TRAPPC9: variants seen among roughly 807,000 people sequenced by gnomAD.
TRAPPC9 encodes IKK2 binding protein.
TRAPPC9 carries 83 observed loss-of-function variants against 124.0 expected under a neutral mutation model. The ratio of observed to expected loss-of-function variants is 0.67; its 90% CI spans 0.56 to 0.80. The LOEUF is 0.80. TRAPPC9 is among the 30% of genes least tolerant of loss of function. The pLI, the probability that TRAPPC9 is intolerant of heterozygous loss-of-function variation, is 0.00. For missense variants in TRAPPC9, 1,302 were observed against 1,508.3 expected (o/e 0.86, Z 2.27); for synonymous variants, 638 against 617.5 (o/e 1.03, Z -0.49).
intron 21 of TRAPPC9, among the ~76,000 whole-genome samples, chr8:139,740,893 C>T (rs1479025346): frequency 6.6e-6 from 1 of 152,218 alleles, no homozygotes; most frequent in African/African-American, 2.4e-5. Flanking sequence ...CCAAACACTG[C>T]TTCCACTGTG....
chr8:140,219,179 T>C (rs1443864211), intron 17 of TRAPPC9, among the ~76,000 whole-genome samples: 2 of 151,950 alleles, frequency 1.3e-5, no homozygotes, highest in Admixed American at 1.3e-4. Flanking sequence ...ATACAATAAA[T>C]CAGGGAAGAA....
intron 12 of TRAPPC9, 26 bp from the exon 13 acceptor site, chr8:140,287,760 A>C (rs748729324): frequency 6.2e-7 from 1 of 1,613,900 alleles, no homozygotes; most frequent in South Asian, 1.1e-5. Context: ...CAGCATCGTA[A>C]GCCCGGAGCA....
chr8:139,865,747 C>T (rs1014610426), intron 21 of TRAPPC9, among the ~76,000 whole-genome samples: 9 of 152,102 alleles, frequency 5.9e-5, no homozygotes, highest in African/African-American at 2.2e-4. Flanking sequence ...GGAAGGTATC[C>T]GCACAGCAGA....
At chr8:140,219,275 G>T (rs886680166) in intron 17 of TRAPPC9, among the ~76,000 whole-genome samples, 18 of 152,224 alleles carry the variant, frequency 1.2e-4, no homozygotes, top group Admixed American at 1.2e-3. Context: ...CTTCCTCAGC[G>T]CTGCCGGAGC....
At chr8:139,986,675 T>C (rs1837256177) in intron 19 of TRAPPC9, among the ~76,000 whole-genome samples, 1 of 152,190 alleles carries the variant, frequency 6.6e-6, no homozygotes, top group Admixed American at 6.5e-5. Flanking sequence ...GTGCATATCA[T>C]TAACAGAGCT....
intron 20 of TRAPPC9, chr8:139,908,798 C>T (rs1411596546): frequency 6.6e-6 from 1 of 152,216 alleles, no homozygotes; most frequent in East Asian, 1.9e-4. Context: ...CTGGCTGAAC[C>T]CTGACTTTGT....
chr8:140,028,598 G>A (rs1257271070), intron 17 of TRAPPC9, among the ~76,000 whole-genome samples: 4 of 152,202 alleles, frequency 2.6e-5, no homozygotes, highest in Admixed American at 6.5e-5. Context: ...CAGGCAAACT[G>A]TTTAGAATAG....
At chr8:139,784,743 C>T (rs533862088) in intron 21 of TRAPPC9, among the ~76,000 whole-genome samples, 2 of 150,416 alleles carry the variant, frequency 1.3e-5, no homozygotes, top group African/African-American at 2.4e-5. Flanking sequence ...ATACTTAGGG[C>T]TGAATCTGAC....
At chr8:140,149,502 C>CT (rs903942941) in intron 17 of TRAPPC9, among the ~76,000 whole-genome samples, 1 of 151,988 alleles carries the variant, frequency 6.6e-6, no homozygotes, top group Non-Finnish European at 1.5e-5. Context: ...TGCCTGTAAT[C>CT]TCAGCTACTC....
chr8:139,930,301 A>G (rs1833061497), intron 19 of TRAPPC9, among the ~76,000 whole-genome samples: 2 of 152,184 alleles, frequency 1.3e-5, no homozygotes, highest in Non-Finnish European at 2.9e-5. Flanking sequence ...GCCAGCCGGG[A>G]GTTGATGTGT....
At chr8:139,836,657 C>T (rs1488627841) in intron 21 of TRAPPC9, among the ~76,000 whole-genome samples, 2 of 152,162 alleles carry the variant, frequency 1.3e-5, no homozygotes, top group African/African-American at 2.4e-5. Flanking sequence ...CGTGGCTTCC[C>T]GAGAGTCATT....
chr8:139,795,947 T>C (rs1043360331), intron 21 of TRAPPC9, among the ~76,000 whole-genome samples: 2 of 151,958 alleles, frequency 1.3e-5, no homozygotes, highest in African/African-American at 2.4e-5. Context: ...CAAACTCAAA[T>C]TGCTGTCTTT....
chr8:139,833,847 G>T (rs902855258), intron 21 of TRAPPC9, among the ~76,000 whole-genome samples: 1 of 152,214 alleles, frequency 6.6e-6, no homozygotes, highest in Admixed American at 6.5e-5. Flanking sequence ...GAGTGTGGGG[G>T]AGGGGAGGCA....
intron 17 of TRAPPC9, among the ~76,000 whole-genome samples, chr8:140,151,363 G>A (rs1224221994): frequency 2.6e-5 from 4 of 152,184 alleles, no homozygotes; most frequent in African/African-American, 4.8e-5. Flanking sequence ...ATTAGACTGG[G>A]AGGGCTGCTG....
intron 21 of TRAPPC9, among the ~76,000 whole-genome samples, chr8:139,878,642 G>C (rs1268211973): frequency 6.6e-6 from 1 of 152,184 alleles, no homozygotes; most frequent in Non-Finnish European, 1.5e-5. Context: ...GCCTGGCCCA[G>C]CAGGTGAGCT....
chr8:140,229,427 A>C (rs1234544900), intron 16 of TRAPPC9, among the ~76,000 whole-genome samples: 4 of 151,060 alleles, frequency 2.6e-5, no homozygotes, highest in Admixed American at 2.6e-4. Flanking sequence ...AAGCCTGGCT[A>C]ATTTTTTTTC....
At chr8:139,967,076 G>A (rs759395784) in intron 19 of TRAPPC9, among the ~76,000 whole-genome samples, 5 of 152,170 alleles carry the variant, frequency 3.3e-5, no homozygotes, top group Admixed American at 6.5e-5. Flanking sequence ...GTTACTGTCC[G>A]AAACACTCAG....
intron 14 of TRAPPC9, 26 bp from the exon 15 acceptor site, chr8:140,275,847 G>A (rs1563908506): frequency 6.3e-7 from 1 of 1,591,644 alleles, no homozygotes; most frequent in Admixed American, 1.7e-5. Flanking sequence ...GAAATTTAAA[G>A]AAGAAAGAAG....
intron 14 of TRAPPC9, among the ~76,000 whole-genome samples, chr8:140,279,599 T>A (rs905658562): frequency 2.0e-5 from 3 of 152,100 alleles, no homozygotes; most frequent in Non-Finnish European, 2.9e-5. Flanking sequence ...TCCACATTCC[T>A]CCCCAGGGCC....
Sources: gnomAD v4.1 joint callset for allele counts (sites outside exome capture counted in the v4.1 genomes callset) on GRCh38, gnomAD v4.1.1 for gene constraint, MANE v1.5 for transcripts, NCBI Gene and HGNC (gene_info 2026-07-23, HGNC 2026-07-21) for gene names.